The following ZNF474 variants were observed in gnomAD, a reference collection of about 807,000 sequenced individuals.
The protein encoded by ZNF474 is zinc finger protein 474.
For missense variants in ZNF474, 511 were observed against 433.8 expected (o/e 1.18, Z -1.58); for synonymous variants, 192 against 162.2 (o/e 1.18, Z -1.39).
chr5:122,131,596 GAA>G (rs992321317), intron 1 of ZNF474, among the ~76,000 whole-genome samples: 2 of 150,384 alleles, frequency 1.3e-5, no homozygotes, highest in Non-Finnish European at 3.0e-5. Context: ...TATATGTGGG[GAA>G]AAAAAAAGAA....
intron 1 of ZNF474, among the ~76,000 whole-genome samples, chr5:122,142,260 A>G (rs558251833): frequency 6.6e-6 from 1 of 152,228 alleles, no homozygotes; most frequent in Non-Finnish European, 1.5e-5. Context: ...GACCCTGTTG[A>G]AAACACAAGA....
Position 122,152,067 on chromosome 5 carries a change from T to C in ZNF474, c.77T>C (p.Leu26Pro), listed in dbSNP as rs1402641436. ...CACCATTCTAAAGAACCCACTTTCCTTATCAACCAAGCTGGGCTTCTCTCT... is the reference window on the plus strand; with the variant it reads ...CACCATTCTAAAGAACCCACTTTCCCTATCAACCAAGCTGGGCTTCTCTCT... ...TFHHSKEPTF[L>P]INQAGLLSSD... Residue 26 changes from leucine to proline, a missense_variant, in exon 2 of 2, where the codon CTT becomes CCT. Leu to Pro is a moderately conservative substitution (Grantham distance 98). Transcript: ENST00000296600. 6.2e-7 allele frequency: 1 copy of C among 1,614,050 alleles called. No individual in the cohort carries two copies. Among genetic ancestry groups the C allele is most frequent in the Non-Finnish European group, 8.5e-7 (1 of 1,180,026 alleles).
At chr5:122,143,052 G>A (rs577719903) in intron 1 of ZNF474, among the ~76,000 whole-genome samples, 1 of 152,188 alleles carries the variant, frequency 6.6e-6, no homozygotes, top group Non-Finnish European at 1.5e-5. Context: ...GTAATGAATG[G>A]TATTGATAAT....
chr5:122,153,250 G>A lies in ZNF474; in HGVS notation c.*165G>A, dbSNP rs543245604. ...AATAGATATAAGAACATCCTTGCCT[G>A]ATGGGTTCATATTCCTCTTCAATTC... On this transcript the variant is annotated 3_prime_UTR_variant, in exon 2 of 2. Transcript: ENST00000296600. 1.0e-5 allele frequency: 8 copies of A among 791,328 alleles called. No homozygotes were observed. In the South Asian group the frequency reaches 2.0e-4, roughly 19 times the overall value. 49.0% of individuals were successfully genotyped at this position (791,328 alleles called of 1,614,324 possible).
At position 122,152,600 on chromosome 5, in the gene ZNF474, C is replaced by A; in HGVS notation, c.610C>A (p.His204Asn). The change falls in exon 2 of 2, where the codon CAT becomes AAT. Residue 204 changes from histidine (H) to asparagine (N), a missense_variant. His to Asn is a moderately conservative substitution (Grantham distance 68). Coordinates refer to ENST00000296600, the MANE Select transcript of ZNF474 (RefSeq NM_207317.3). ...PRAPHSNSSD[H>N]LTGLKKACSG... The stretch of plus-strand genomic sequence containing the variant: ...AGCACCACACTCAAACAGTTCTGAT[C>A]ATCTTACTGGCCTCAAGAAAGCTTG... The A allele has an allele frequency of 1.2e-6, 2 of 1,614,194 alleles. No individual in the cohort carries two copies. The highest frequency in any genetic ancestry group is 1.1e-5 in the South Asian group (1 of 91,076).
Position 122,152,692 on chromosome 5 carries a change from G to A in ZNF474, c.702G>A (p.Leu234=), listed in dbSNP as rs372912387. The change falls in exon 2 of 2, where the codon CTG becomes CTA. Residue 234 remains leucine, a synonymous_variant. Coordinates refer to ENST00000296600, the MANE Select transcript of ZNF474 (RefSeq NM_207317.3). ...TATGTGGTAAGGAATTTGGCACCCT[G>A]TCCCTTCCTATTCATGAGCCCAAAT... ...CYICGKEFGT[L]SLPIHEPKCL... 3.7e-5 allele frequency: 60 copies of A among 1,614,070 alleles called. No homozygotes were observed. The highest frequency in any genetic ancestry group is 4.9e-5 in the Non-Finnish European group (58 of 1,180,042).
intron 1 of ZNF474, among the ~76,000 whole-genome samples, chr5:122,133,842 G>C (rs1755636162): frequency 6.6e-6 from 1 of 152,218 alleles, no homozygotes; most frequent in Non-Finnish European, 1.5e-5. Context: ...TTACAGGCGT[G>C]AGCCATAGCG....
intron 1 of ZNF474, among the ~76,000 whole-genome samples, chr5:122,143,410 T>TG (rs942264703): frequency 6.6e-6 from 1 of 152,088 alleles, no homozygotes; most frequent in African/African-American, 2.4e-5. Context: ...TATCACATGA[T>TG]GGGGGCTGGC....
rs748043251 is a variant in ZNF474, at chr5:122,152,074, C to G, written c.84C>G (p.Asn28Lys). ...CTAAAGAACCCACTTTCCTTATCAA[C>G]CAAGCTGGGCTTCTCTCTAGTGACT... The part of the protein sequence containing the change: ...HHSKEPTFLI[N>K]QAGLLSSDSY... Residue 28 changes from asparagine to lysine, a missense_variant, in exon 2 of 2, where the codon AAC becomes AAG. Coordinates refer to ENST00000296600, the MANE Select transcript of ZNF474 (RefSeq NM_207317.3). The G allele has an allele frequency of 4.3e-6, 7 of 1,614,170 alleles. No individual in the cohort carries two copies. Among genetic ancestry groups the G allele is most frequent in the Non-Finnish European group, 5.9e-6 (7 of 1,180,016 alleles).
At position 122,153,087 on chromosome 5, in the gene ZNF474, G is replaced by C; in HGVS notation, c.*2G>C. 6.3e-7 allele frequency: 1 copy of C among 1,598,984 alleles called. No individual in the cohort carries two copies. Among genetic ancestry groups the C allele is most frequent in the Non-Finnish European group, 8.5e-7 (1 of 1,171,522 alleles). ...CCTGGTGGTGCCCTCTGCCTGTAGG[G>C]GAACAAGAGAAAACTATCCCCAGAA... On this transcript the variant is annotated 3_prime_UTR_variant, in exon 2 of 2. Coordinates refer to ENST00000296600, the MANE Select transcript of ZNF474 (RefSeq NM_207317.3).
In ZNF474 at chr5:122,152,590, C is replaced by T; in HGVS notation, c.600C>T (p.Asn200=). 6.2e-7 allele frequency: 1 copy of T among 1,614,186 alleles called. No homozygotes were observed. ...KGEGPRAPHS[N]SSDHLTGLKK... ...AGGGTCCCAGAGCACCACACTCAAA[C>T]AGTTCTGATCATCTTACTGGCCTCA... The change falls in exon 2 of 2, where the codon AAC becomes AAT. Residue 200 remains asparagine, a synonymous_variant. Transcript: ENST00000296600.
chr5:122,139,389 A>C (rs1343249925), intron 1 of ZNF474, among the ~76,000 whole-genome samples: 2 of 152,314 alleles, frequency 1.3e-5, no homozygotes, highest in East Asian at 3.9e-4. Flanking sequence ...TTCCCTAAAA[A>C]TGTAATGATC....
At chr5:122,150,617 C>T (rs79876523) in intron 1 of ZNF474, among the ~76,000 whole-genome samples, 1,613 of 152,058 alleles carry the variant, frequency 0.011, 26 homozygotes, top group African/African-American at 0.024. Flanking sequence ...ATAAATGAAA[C>T]GATAAAGGAA....
chr5:122,152,678 G>T lies in ZNF474; in HGVS notation c.688G>T (p.Glu230Ter), dbSNP rs775505819. Residue 230 changes from glutamate to a stop codon, truncating the protein, a stop_gained, in exon 2 of 2, where the codon GAA becomes TAA. Coordinates refer to ENST00000296600, the MANE Select transcript of ZNF474 (RefSeq NM_207317.3). LOFTEE classifies it low-confidence loss of function (END_TRUNC). ...TGTTATCTGCTACATATGTGGTAAGGAATTTGGCACCCTGTCCCTTCCTAT... is the reference window on the plus strand; with the variant it reads ...TGTTATCTGCTACATATGTGGTAAGTAATTTGGCACCCTGTCCCTTCCTAT... ...RTVICYICGKEFGTLSLPIHE... is the reference protein window; with the variant it reads ...RTVICYICGK 1 of 1,614,056 alleles carries T rather than the reference G, an allele frequency of 6.2e-7. No homozygotes were observed. The highest frequency in any genetic ancestry group is 1.3e-5 in the African/African-American group (1 of 74,914).
At chr5:122,139,740 G>A (rs1298223895) in intron 1 of ZNF474, among the ~76,000 whole-genome samples, 1 of 152,192 alleles carries the variant, frequency 6.6e-6, no homozygotes, top group East Asian at 1.9e-4. Flanking sequence ...GAAATATTAA[G>A]AAATTGTTAA....
At chr5:122,138,303 C>G (rs1248987486) in intron 1 of ZNF474, among the ~76,000 whole-genome samples, 1 of 152,076 alleles carries the variant, frequency 6.6e-6, no homozygotes, top group East Asian at 1.9e-4. Context: ...TTTCCCTTTT[C>G]CCTCACTGTC....
At chr5:122,148,667 G>A (rs1756057332) in intron 1 of ZNF474, among the ~76,000 whole-genome samples, 2 of 152,094 alleles carry the variant, frequency 1.3e-5, no homozygotes, top group African/African-American at 2.4e-5. Context: ...AAAAGAATCT[G>A]TACTGCACAT....
intron 1 of ZNF474, among the ~76,000 whole-genome samples, chr5:122,147,432 C>T (rs1561441988): frequency 2.0e-5 from 3 of 152,092 alleles, no homozygotes; most frequent in East Asian, 1.9e-4. Flanking sequence ...CGTGCAGTTT[C>T]GATACATAGG....
At position 122,152,210 on chromosome 5, in the gene ZNF474, A is replaced by C. The variant is rs1421931311; in HGVS notation, c.220A>C (p.Arg74=). The C allele has an allele frequency of 5.0e-6, 8 of 1,614,086 alleles. No individual in the cohort carries two copies. The highest frequency in any genetic ancestry group is 6.8e-6 in the Non-Finnish European group (8 of 1,180,046). The change falls in exon 2 of 2, where the codon AGA becomes CGA. Residue 74 remains arginine (R), a synonymous_variant. Transcript: ENST00000296600. ...GTVILSKLSS[R]RIISESQLSP... is the part of the protein sequence containing the mutation. Reference sequence around the variant, plus strand: ...TGTGATACTATCAAAACTGTCAAGTAGAAGAATTATATCGGAAAGCCAGCT... The same window carrying C: ...TGTGATACTATCAAAACTGTCAAGTCGAAGAATTATATCGGAAAGCCAGCT...
Sources: gnomAD v4.1 joint callset for allele counts (sites outside exome capture counted in the v4.1 genomes callset) on GRCh38, gnomAD v4.1.1 for gene constraint, MANE v1.5 for transcripts, NCBI Gene and HGNC (gene_info 2026-07-23, HGNC 2026-07-21) for gene names.